The following CPED1 variants were observed in gnomAD, a reference collection of about 807,000 sequenced individuals.
CPED1 encodes the protein cadherin-like and PC-esterase domain-containing protein 1.
CPED1 carries 114 observed loss-of-function variants against 128.2 expected under a neutral mutation model. That is an observed-to-expected ratio of 0.89 (90% confidence interval 0.76 to 1.04). The LOEUF is 1.04. Ranked by LOEUF, CPED1 falls within the 50% of genes least tolerant of loss-of-function variation. The pLI, the probability that CPED1 is intolerant of heterozygous loss-of-function variation, is 0.00. For synonymous variants in CPED1, 462 were observed against 426.7 expected (o/e 1.08, Z -1.02); for missense variants, 1,211 against 1,207.1 (o/e 1.00, Z -0.05).
chr7:121,222,475 T>A (rs1797904276), intron 16 of CPED1, among the ~76,000 whole-genome samples: 1 of 152,338 alleles, frequency 6.6e-6, no homozygotes, highest in African/African-American at 2.4e-5. Flanking sequence ...TAGAGTACTT[T>A]TTCCAATTCT....
chr7:121,165,813 G>T (rs531035440), intron 16 of CPED1, among the ~76,000 whole-genome samples: 1 of 152,290 alleles, frequency 6.6e-6, no homozygotes, highest in South Asian at 2.1e-4. Context: ...AACTGATAAA[G>T]ATCAAGCATT....
chr7:121,114,898 C>T (rs137910247), intron 7 of CPED1, among the ~76,000 whole-genome samples: 41 of 152,320 alleles, frequency 2.7e-4, no homozygotes, highest in African/African-American at 8.4e-4. Context: ...TGTGCATAAA[C>T]GTATGCGCAT....
intron 5 of CPED1, among the ~76,000 whole-genome samples, chr7:121,090,246 A>G (rs1794540505): frequency 6.6e-6 from 1 of 152,228 alleles, no homozygotes; most frequent in Non-Finnish European, 1.5e-5. Context: ...CTACCCCTTT[A>G]GAGCACATTG....
chr7:121,177,061 C>T (rs992692092), intron 16 of CPED1, among the ~76,000 whole-genome samples: 3 of 152,006 alleles, frequency 2.0e-5, no homozygotes, highest in Non-Finnish European at 4.4e-5. Flanking sequence ...ATGGCAGTAG[C>T]GTAGATTTTG....
At chr7:121,294,806 C>CAAAAAAAAAAAAA (rs752742828) in intron 22 of CPED1, among the ~76,000 whole-genome samples, 5 of 61,424 alleles carry the variant, frequency 8.1e-5, no homozygotes, top group African/African-American at 2.4e-4. Flanking sequence ...GCCTTCTAAG[C>CAAAAAAAAAAAAA]AAAAAAAAAA....
chr7:121,173,106 G>T (rs546677031), intron 16 of CPED1, among the ~76,000 whole-genome samples: 27 of 152,092 alleles, frequency 1.8e-4, no homozygotes, highest in Admixed American at 5.2e-4. Context: ...CAATGAACTG[G>T]CAGTTCTTCA....
intron 5 of CPED1, among the ~76,000 whole-genome samples, chr7:121,095,664 T>C (rs1221157729): frequency 6.6e-6 from 1 of 152,128 alleles, no homozygotes; most frequent in East Asian, 1.9e-4. Context: ...TGACATAGTC[T>C]TGGCAATTCC....
At chr7:121,247,491 G>A (rs771309527) in intron 18 of CPED1, among the ~76,000 whole-genome samples, 3 of 152,166 alleles carry the variant, frequency 2.0e-5, no homozygotes, top group Non-Finnish European at 2.9e-5. Context: ...GAGAGAAAAC[G>A]CCAAAAGCAG....
At chr7:121,150,733 A>G (rs1796137555) in intron 16 of CPED1, among the ~76,000 whole-genome samples, 1 of 145,764 alleles carries the variant, frequency 6.9e-6, no homozygotes, top group African/African-American at 2.6e-5. Flanking sequence ...CTTTTCCCAC[A>G]GCCAAACCGA....
rs139108433 is a variant in CPED1, at chr7:121,109,128, G to T, written c.918+9034G>T. Among the ~76,000 whole-genome samples the T allele has an allele frequency of 6.6e-5, 10 of 152,154 alleles. 1 individual carries two copies. The East Asian group carries it at 1.7e-3, about 26-fold the overall frequency. On this transcript the variant is annotated intron_variant, in intron 7 of 22. Coordinates refer to ENST00000310396, the MANE Select transcript of CPED1 (RefSeq NM_024913.5). ...AATTATCTAAATGACCTGATATTAT[G>T]ATATAGAACTGAAAATTTGTGTTTT...
chr7:120,997,821 C>G (rs1028079864), intron 2 of CPED1, among the ~76,000 whole-genome samples: 1 of 151,936 alleles, frequency 6.6e-6, no homozygotes, highest in Non-Finnish European at 1.5e-5. Context: ...ACTCAGTAGA[C>G]TGAGACAAGA....
chr7:121,140,428 C>T (rs149093596), intron 14 of CPED1, among the ~76,000 whole-genome samples: 2 of 152,092 alleles, frequency 1.3e-5, no homozygotes, highest in South Asian at 2.1e-4. Context: ...TCATTCCTTG[C>T]GGGTCCTCTT....
chr7:121,220,981 T>A (rs548300780), intron 16 of CPED1, among the ~76,000 whole-genome samples: 2 of 152,204 alleles, frequency 1.3e-5, no homozygotes, highest in East Asian at 1.9e-4. Flanking sequence ...ATCTTTTTTT[T>A]ATTATACTTT....
At chr7:121,060,790 G>A (rs1004019765) in intron 4 of CPED1, among the ~76,000 whole-genome samples, 8 of 152,316 alleles carry the variant, frequency 5.3e-5, no homozygotes, top group Admixed American at 4.6e-4. Context: ...AACCCGCTCC[G>A]GTCCCTTTTC....
chr7:121,002,326 C>A (rs1394618512), intron 2 of CPED1, among the ~76,000 whole-genome samples: 1 of 152,140 alleles, frequency 6.6e-6, no homozygotes, highest in African/African-American at 2.4e-5. Flanking sequence ...AGTGAAGGAA[C>A]TACCCGACCT....
intron 7 of CPED1, among the ~76,000 whole-genome samples, chr7:121,112,211 GA>G (rs2116267804): frequency 6.6e-6 from 1 of 152,214 alleles, no homozygotes; most frequent in South Asian, 2.1e-4. Context: ...TCCCCATAAG[GA>G]TATGTCCATA....
chr7:121,015,556 GA>G, intron 2 of CPED1, 108 bp from the exon 3 acceptor site: 4 of 1,019,010 alleles, frequency 3.9e-6, no homozygotes, highest in Non-Finnish European at 5.6e-6. Context: ...CACTTCTAGA[GA>G]AAAACTTTAG....
intron 18 of CPED1, among the ~76,000 whole-genome samples, chr7:121,258,734 T>C (rs975663299): frequency 2.0e-5 from 3 of 152,068 alleles, no homozygotes; most frequent in African/African-American, 7.2e-5. Flanking sequence ...TGTAAAATTG[T>C]GTACGTACCT....
intron 22 of CPED1, among the ~76,000 whole-genome samples, chr7:121,294,076 G>A (rs1792770599): frequency 6.6e-6 from 1 of 151,638 alleles, no homozygotes; most frequent in Middle Eastern, 3.4e-3. Flanking sequence ...AATCTCTCTC[G>A]GTCCTCCTTT....
Sources: gnomAD v4.1 joint callset for allele counts (sites outside exome capture counted in the v4.1 genomes callset) on GRCh38, gnomAD v4.1.1 for gene constraint, MANE v1.5 for transcripts, NCBI Gene and HGNC (gene_info 2026-07-23, HGNC 2026-07-21) for gene names.